Variants in WWOX observed in about 807,000 individuals in gnomAD.
WWOX encodes WW domain-containing oxidoreductase.
A neutral mutation model predicts 46.2 loss-of-function variants in WWOX; 69 were observed. The observed-to-expected ratio is 1.49, with a 90% CI of 1.23 to 1.82. The LOEUF (loss-of-function observed/expected upper bound fraction) is 1.82. WWOX is among the 40% of genes most tolerant of loss of function. WWOX has a pLI of 0.00. For synonymous variants in WWOX, 359 were observed against 202.6 expected, an observed-to-expected ratio of 1.77 and a Z score of -6.56; for missense variants, 919 against 542.6, an observed-to-expected ratio of 1.69 and a Z score of -6.89.
chr16:79,018,144 C>T (rs1209850918), intron 8 of WWOX, among the ~76,000 whole-genome samples: 1 of 152,186 alleles, frequency 6.6e-6, no homozygotes, highest in African/African-American at 2.4e-5. Context: ...CTTCAAGAAT[C>T]TTCCGGTTAA....
At chr16:79,035,216 A>G (rs935538146) in intron 8 of WWOX, among the ~76,000 whole-genome samples, 8 of 152,192 alleles carry the variant, frequency 5.3e-5, no homozygotes, top group African/African-American at 1.2e-4. Flanking sequence ...GTGGCCCACA[A>G]TAAGACGTAG....
chr16:79,122,592 C>T (rs1238332109), intron 8 of WWOX, among the ~76,000 whole-genome samples: 2 of 151,386 alleles, frequency 1.3e-5, no homozygotes. Flanking sequence ...CTTTCTCCGT[C>T]TTTCTTTCCT....
chr16:78,517,700 C>T (rs905673068), intron 8 of WWOX, among the ~76,000 whole-genome samples: 1 of 152,040 alleles, frequency 6.6e-6, no homozygotes, highest in South Asian at 2.1e-4. Context: ...AAAGGGCATG[C>T]GTTGACTTCA....
chr16:78,634,881 C>CGT (rs2046531283), intron 8 of WWOX, among the ~76,000 whole-genome samples: 2 of 141,644 alleles, frequency 1.4e-5, no homozygotes, highest in Non-Finnish European at 3.1e-5. Flanking sequence ...TGTGCGCGTG[C>CGT]ATGTGTATAC....
rs1309909981 is a variant in WWOX, at chr16:78,643,936, AAC to A, written c.1056+211188_1056+211189del. Among the ~76,000 whole-genome samples, 3 of 152,242 alleles carry A rather than the reference AAC, an allele frequency of 2.0e-5. No individual in the cohort carries two copies. The East Asian group carries it at 5.8e-4, about 29-fold the overall frequency. The stretch of plus-strand genomic sequence containing the variant: ...TTATTAAAACAAACAAACAACAAAA[AAC>A]ACAGCTGGGTGCGGTGGCTCACGCC... On this transcript the variant is annotated intron_variant, in intron 8 of 8. Transcript: ENST00000566780.
intron 8 of WWOX, among the ~76,000 whole-genome samples, chr16:78,904,632 G>C (rs529973402): frequency 1.3e-5 from 2 of 152,220 alleles, no homozygotes; most frequent in East Asian, 3.9e-4. Context: ...TATGATTACA[G>C]TGACCACATA....
chr16:78,344,684 A>G (rs572314039), intron 5 of WWOX, among the ~76,000 whole-genome samples: 1 of 121,952 alleles, frequency 8.2e-6, no homozygotes, highest in East Asian at 1.9e-4. Context: ...GTTTTTACAC[A>G]CATACTTCAT....
chr16:78,617,743 T>A lies in WWOX; in HGVS notation c.1056+184991T>A, dbSNP rs376702021. 2.0e-4 allele frequency among the ~76,000 whole-genome samples: 31 copies of A among 152,322 alleles called. No individual in the cohort carries two copies. The South Asian group carries it at 3.7e-3, about 18-fold the overall frequency. ...TCTTTGTGCATGGCTGTCTTTTCTGTGCCATCTTGGGCATCTCACGCATTG... is the reference window on the plus strand; with the variant it reads ...TCTTTGTGCATGGCTGTCTTTTCTGAGCCATCTTGGGCATCTCACGCATTG... On this transcript the variant is annotated intron_variant, in intron 8 of 8. Transcript: ENST00000566780.
chr16:78,650,580 T>C (rs1236581269), intron 8 of WWOX, among the ~76,000 whole-genome samples: 1 of 152,222 alleles, frequency 6.6e-6, no homozygotes, highest in Admixed American at 6.5e-5. Flanking sequence ...GTATAGGTTA[T>C]TCACTCTGGT....
intron 2 of WWOX, among the ~76,000 whole-genome samples, chr16:78,108,912 C>A (rs1375768838): frequency 1.3e-5 from 2 of 152,132 alleles, no homozygotes; most frequent in Non-Finnish European, 2.9e-5. Flanking sequence ...TGCTCAAACC[C>A]AGGAGCTGGA....
At chr16:78,111,560 C>A (rs867939691) in intron 3 of WWOX, among the ~76,000 whole-genome samples, 1 of 152,122 alleles carries the variant, frequency 6.6e-6, no homozygotes, top group Non-Finnish European at 1.5e-5. Context: ...CTTAGCAGAC[C>A]GCGAAAGGGA....
At chr16:78,719,972 A>G (rs1474895944) in intron 8 of WWOX, among the ~76,000 whole-genome samples, 2 of 152,178 alleles carry the variant, frequency 1.3e-5, no homozygotes. Flanking sequence ...TCTCAATTCA[A>G]TTTAAAGTGG....
intron 8 of WWOX, among the ~76,000 whole-genome samples, chr16:78,931,172 G>A (rs1230956416): frequency 3.9e-5 from 6 of 152,136 alleles, no homozygotes; most frequent in African/African-American, 7.2e-5. Context: ...AGAGCTATAC[G>A]CACATCCGTA....
At chr16:78,693,489 G>A (rs950043281) in intron 8 of WWOX, among the ~76,000 whole-genome samples, 10 of 152,046 alleles carry the variant, frequency 6.6e-5, no homozygotes, top group African/African-American at 2.4e-4. Context: ...CCCTAACCAT[G>A]ATAATACAAA....
chr16:78,907,230 G>C (rs2151249910), intron 8 of WWOX, among the ~76,000 whole-genome samples: 1 of 152,222 alleles, frequency 6.6e-6, no homozygotes, highest in South Asian at 2.1e-4. Context: ...TCCGCTTCTG[G>C]GTGGGGGGCA....
At chr16:78,413,181 C>G (rs1036398118) in intron 6 of WWOX, among the ~76,000 whole-genome samples, 3 of 152,284 alleles carry the variant, frequency 2.0e-5, no homozygotes, top group Admixed American at 6.5e-5. Flanking sequence ...TTGTACTACT[C>G]AAATCAATCT....
intron 8 of WWOX, chr16:78,534,272 C>A (rs186333225): frequency 6.6e-6 from 1 of 152,346 alleles, no homozygotes; most frequent in East Asian, 1.9e-4. Flanking sequence ...AAGAATATAT[C>A]ATCCAGTCAG....
chr16:78,601,445 A>G (rs1430859804), intron 8 of WWOX, among the ~76,000 whole-genome samples: 4 of 151,014 alleles, frequency 2.6e-5, no homozygotes, highest in African/African-American at 7.3e-5. Context: ...CAGAGAGAAA[A>G]AAAAAAAAGA....
chr16:78,394,551 C>T (rs1050754568), intron 6 of WWOX, among the ~76,000 whole-genome samples: 1 of 152,066 alleles, frequency 6.6e-6, no homozygotes, highest in Non-Finnish European at 1.5e-5. Context: ...AAAAATATTT[C>T]TGAAATAGAT....
Sources: gnomAD v4.1 joint callset for allele counts (sites outside exome capture counted in the v4.1 genomes callset) on GRCh38, gnomAD v4.1.1 for gene constraint, MANE v1.5 for transcripts, NCBI Gene and HGNC (gene_info 2026-07-23, HGNC 2026-07-21) for gene names.